Variants in HEATR6 observed in about 807,000 individuals in gnomAD.
The protein encoded by HEATR6 is HEAT repeat-containing protein 6.
In HEATR6, 106 loss-of-function variants were observed where a neutral mutation model predicts 132.8. The ratio of observed to expected loss-of-function variants is 0.80; its 90% CI spans 0.68 to 0.94. The LOEUF (loss-of-function observed/expected upper bound fraction) is 0.94, where lower values mean the gene tolerates loss of function less well. HEATR6 is among the 40% of genes least tolerant of loss of function. The probability of loss-of-function intolerance (pLI) is 0.00; values close to 1 mark genes in which losing one functional copy is unlikely to be tolerated. For missense variants in HEATR6, 1,339 were observed against 1,425.1 expected (o/e 0.94, Z 0.97); for synonymous variants, 529 against 537.8 (o/e 0.98, Z 0.23).
At chr17:60,044,201 G>C in intron 19 of HEATR6, 67 bp from the exon 20 acceptor site, 1 of 1,236,676 alleles carries the variant, frequency 8.1e-7, no homozygotes, top group Non-Finnish European at 1.1e-6. Flanking sequence ...GAGGGAGAGG[G>C]GTGGAAGGAA....
Position 60,073,424 on chromosome 17 carries a change from T to C in HEATR6, c.469-145A>G, listed in dbSNP as rs1016435524. 1.4e-4 allele frequency: 89 copies of C among 616,616 alleles called. No homozygotes were observed. The South Asian group carries it at 1.8e-3, about 12-fold the overall frequency. The allele number at this position is 616,616 out of a possible 1,614,324, so 38.2% of individuals were successfully genotyped here. On this transcript the variant is annotated intron_variant, in intron 3 of 19. Coordinates refer to ENST00000184956, the MANE Select transcript of HEATR6 (RefSeq NM_022070.5). ...GTTAGATAAATGTCTCCGATGGATA[T>C]GCAAAGATATGCCAAAAAGCATCAA...
At chr17:60,059,269 T>C (rs566132534) in intron 11 of HEATR6, among the ~76,000 whole-genome samples, 153 bp downstream of exon 11, 2 of 152,306 alleles carry the variant, frequency 1.3e-5, no homozygotes, top group Non-Finnish European at 2.9e-5. Flanking sequence ...TGCAACAGCT[T>C]ATACCCCTGA....
intron 18 of HEATR6, 98 bp downstream of exon 18, chr17:60,047,211 A>G: frequency 1.4e-6 from 1 of 724,404 alleles, no homozygotes; most frequent in Non-Finnish European, 2.4e-6. Context: ...ATTTGGTGGG[A>G]CAGTCTGAGG....
At chr17:60,057,004 A>G in intron 12 of HEATR6, 44 bp downstream of exon 12, 1 of 1,418,012 alleles carries the variant, frequency 7.1e-7, no homozygotes, top group Non-Finnish European at 9.6e-7. Flanking sequence ...CTGAAGGAGG[A>G]ATGGTTACTT....
Position 60,055,526 on chromosome 17 carries a change from G to A in HEATR6, c.2278C>T (p.Pro760Ser). The change falls in exon 14 of 20, where the codon CCA (proline) becomes TCA (serine). Residue 760 changes from proline to serine, a missense_variant. Coordinates refer to ENST00000184956, the MANE Select transcript of HEATR6 (RefSeq NM_022070.5). ...DSTAAPDQRA[P>S]VFLVVMFWTM... Reference sequence around the variant, plus strand: ...TGACATTTATTTACCAAGAAGACTGGTGCTCTCTGATCAGGTGCTGCAGTG... The same window carrying A: ...TGACATTTATTTACCAAGAAGACTGATGCTCTCTGATCAGGTGCTGCAGTG... 6.2e-7 allele frequency: 1 copy of A among 1,607,722 alleles called. No individual in the cohort carries two copies.
intron 2 of HEATR6, 136 bp from the exon 3 acceptor site, chr17:60,074,022 C>T (rs2083284434): frequency 1.4e-6 from 2 of 1,380,556 alleles, no homozygotes; most frequent in Non-Finnish European, 1.9e-6. Context: ...AAAAGGATCA[C>T]CTCTAAAGGG....
chr17:60,073,395 A>G, intron 3 of HEATR6, 116 bp from the exon 4 acceptor site: 1 of 652,510 alleles, frequency 1.5e-6, no homozygotes, highest in Non-Finnish European at 2.7e-6. Flanking sequence ...CCAAAAGACT[A>G]GCTGTTAGAT....
chr17:60,068,252 C>T (rs2083253079), intron 7 of HEATR6, among the ~76,000 whole-genome samples: 1 of 152,098 alleles, frequency 6.6e-6, no homozygotes, highest in African/African-American at 2.4e-5. Flanking sequence ...ATACAATGCT[C>T]ATTTCAGGGC....
chr17:60,043,754 T>C lies in HEATR6; in HGVS notation c.3355A>G (p.Thr1119Ala). ...TCCTGTGGGCTGTGGGGTGCTCCAG[T>C]GTCATCTCCCTCTGCTCCTGATTTT... Reference protein sequence around the residue: ...FLKSGAEGDDTGAPHSPQERD... With the variant: ...FLKSGAEGDDAGAPHSPQERD... The change falls in exon 20 of 20, where the codon ACT (threonine) becomes GCT (alanine). Residue 1119 changes from threonine (T) to alanine (A), a missense_variant. By Grantham distance (58) the Thr-to-Ala change is moderately conservative. Transcript: ENST00000184956. 1 of 1,614,176 alleles carries C rather than the reference T, an allele frequency of 6.2e-7. No homozygotes were observed. The highest frequency in any genetic ancestry group is 8.5e-7 in the Non-Finnish European group (1 of 1,180,028).
In HEATR6 at chr17:60,055,045, A is replaced by G. The variant is rs79466806; in HGVS notation, c.2289+470T>C. Among the ~76,000 whole-genome samples, 3 of 152,040 alleles carry G rather than the reference A, an allele frequency of 2.0e-5. No individual in the cohort carries two copies. In the East Asian group the frequency reaches 5.8e-4, roughly 29 times the overall value. ...TCCTTGTGGTAATGAGTGAACTCTC[A>G]CTCTATGAGCTCATACGAGAGCTGG... On this transcript the variant is annotated intron_variant, in intron 14 of 19. Transcript: ENST00000184956.
rs199943781 is a variant in HEATR6, at chr17:60,078,700, G to C, written c.215C>G (p.Pro72Arg). 1.9e-6 allele frequency: 3 copies of C among 1,541,040 alleles called. No individual in the cohort carries two copies. The highest frequency in any genetic ancestry group is 1.4e-5 in the African/African-American group (1 of 72,924). The change falls in exon 1 of 20, where the codon CCG becomes CGG. Residue 72 changes from proline to arginine, a missense_variant. Pro to Arg is a moderately radical substitution (Grantham distance 103). Transcript: ENST00000184956. Reference protein sequence around the residue: ...ENYSEGSGVAPEDVSALLVQA... With the variant: ...ENYSEGSGVAREDVSALLVQA... ...CCAGCAGGGCGCGCCGCCTACCTCC[G>C]GGGCCACGCCACTGCCCTCGCTGTA...
intron 4 of HEATR6, among the ~76,000 whole-genome samples, chr17:60,072,763 G>A (rs1161842094): frequency 6.6e-6 from 1 of 152,172 alleles, no homozygotes; most frequent in Non-Finnish European, 1.5e-5. Context: ...TGTGAGAATC[G>A]AGGGTGAGCA....
At chr17:60,053,298 T>A (rs886986564) in intron 14 of HEATR6, among the ~76,000 whole-genome samples, 1 of 152,196 alleles carries the variant, frequency 6.6e-6, no homozygotes, top group African/African-American at 2.4e-5. Context: ...CAGAACTAGA[T>A]GCTGGCACCA....
In HEATR6 at chr17:60,043,191, C is replaced by A; in HGVS notation, c.*372G>T. The stretch of plus-strand genomic sequence containing the variant: ...TGGTAACAACAGGAGATTGTGGACA[C>A]ACTATTTTTCGTTAGTTTATTACAA... On this transcript the variant is annotated 3_prime_UTR_variant, in exon 20 of 20. Transcript: ENST00000184956. 1 of 250,822 alleles carries A rather than the reference C, an allele frequency of 4.0e-6. No homozygotes were observed. Among genetic ancestry groups the A allele is most frequent in the South Asian group, 4.9e-5 (1 of 20,222 alleles). The allele number at this position is 250,822 out of a possible 1,614,324, so 15.5% of individuals were successfully genotyped here.
Position 60,047,311 on chromosome 17 carries a change from T to C in HEATR6, c.2767A>G (p.Lys923Glu). Residue 923 changes from lysine (K) to glutamate (E), a missense_variant and splice_region_variant, in exon 18 of 20, where the codon AAG becomes GAG. By Grantham distance (56) the Lys-to-Glu change is moderately conservative (BLOSUM62 1). Coordinates refer to ENST00000184956, the MANE Select transcript of HEATR6 (RefSeq NM_022070.5). The part of the protein sequence containing the change: ...SAIEASKDKD[K>E]VKSNAVRALG... Reference sequence around the variant, plus strand: ...ACTGGGTTTTGTTGTGAGTCTACCTTGTCTTTATCCTTGGATGCTTCTATA... The same window carrying C: ...ACTGGGTTTTGTTGTGAGTCTACCTCGTCTTTATCCTTGGATGCTTCTATA... The C allele has an allele frequency of 6.2e-7, 1 of 1,601,308 alleles. No homozygotes were observed. The highest frequency in any genetic ancestry group is 8.5e-7 in the Non-Finnish European group (1 of 1,169,760).
intron 18 of HEATR6, among the ~76,000 whole-genome samples, chr17:60,046,498 A>G (rs1476227265): frequency 6.6e-6 from 1 of 152,184 alleles, no homozygotes; most frequent in African/African-American, 2.4e-5. Context: ...GAGATGGAGT[A>G]TAAGGACCGG....
chr17:60,069,763 C>T lies in HEATR6; in HGVS notation c.887G>A (p.Arg296Gln), dbSNP rs541726986. ...YPTPLPQYDG[R>Q]TPIKPQQSES... is the part of the protein sequence containing the mutation. Reference sequence around the variant, plus strand: ...TGATTGCTGTGGTTTGATAGGTGTTCGCCCATCATACTGAGGAAGCGGAGT... The same window carrying T: ...TGATTGCTGTGGTTTGATAGGTGTTTGCCCATCATACTGAGGAAGCGGAGT... The change falls in exon 7 of 20, where the codon CGA becomes CAA. Residue 296 changes from arginine (R) to glutamine (Q), a missense_variant. Physicochemically the swap from Arg to Gln is conservative, Grantham distance 43. Transcript: ENST00000184956. The T allele has an allele frequency of 1.3e-5, 21 of 1,613,982 alleles. No individual in the cohort carries two copies. Among genetic ancestry groups the T allele is most frequent in the African/African-American group, 5.3e-5 (4 of 74,990 alleles).
chr17:60,041,606 G>A lies in HEATR6; in HGVS notation c.*1957C>T, dbSNP rs1197314620. Among the ~76,000 whole-genome samples, 2 of 152,142 alleles carry A rather than the reference G, an allele frequency of 1.3e-5. No homozygotes were observed. The highest frequency in any genetic ancestry group is 2.9e-5 in the Non-Finnish European group (2 of 68,018). ...TTGTCTCCAAATAAAAGCAATTTAA[G>A]GGAACATTCAATATGGGTGTCTTTG... On this transcript the variant is annotated 3_prime_UTR_variant, in exon 20 of 20. Coordinates refer to ENST00000184956, the MANE Select transcript of HEATR6 (RefSeq NM_022070.5).
chr17:60,057,480 T>G, intron 11 of HEATR6, 77 bp from the exon 12 acceptor site: 1 of 943,930 alleles, frequency 1.1e-6, no homozygotes, highest in South Asian at 1.7e-5. Flanking sequence ...AGCAGGCAAT[T>G]AAAAATTAGT....
Sources: allele counts gnomAD v4.1 joint callset (sites outside exome capture counted in the v4.1 genomes callset), GRCh38; gene constraint gnomAD v4.1.1; transcripts MANE v1.5; gene names NCBI Gene and HGNC (gene_info 2026-07-23, HGNC 2026-07-21).